Variants in PISD observed in about 807,000 individuals in gnomAD.
PISD encodes phosphatidylserine decarboxylase.
Under a neutral mutation model 43.5 loss-of-function variants are expected in PISD, and 31 were observed. The observed-to-expected ratio is 0.71, with a 90% CI of 0.54 to 0.96. PISD has a LOEUF of 0.96. PISD is among the 40% of genes least tolerant of loss of function. PISD has a pLI of 0.00. For synonymous variants in PISD, 259 were observed against 228.7 expected, an observed-to-expected ratio of 1.13 and a Z score of -1.20; for missense variants, 523 against 548.4, an observed-to-expected ratio of 0.95 and a Z score of 0.46.
At chr22:31,659,055 T>C (rs2074252692) in intron 1 of PISD, among the ~76,000 whole-genome samples, 1 of 152,098 alleles carries the variant, frequency 6.6e-6, no homozygotes, top group African/African-American at 2.4e-5. Context: ...GTTTTTGCCA[T>C]GTTGCCCAGG....
chr22:31,633,676 T>C (rs567305297), intron 3 of PISD, among the ~76,000 whole-genome samples: 29 of 152,036 alleles, frequency 1.9e-4, no homozygotes, highest in African/African-American at 6.3e-4. Flanking sequence ...GATCGTACCA[T>C]AGCACTCCAG....
intron 1 of PISD, among the ~76,000 whole-genome samples, chr22:31,660,313 C>A (rs1285107211): frequency 1.3e-5 from 2 of 152,160 alleles, no homozygotes; most frequent in Middle Eastern, 3.4e-3. Context: ...TTTTCTTTCC[C>A]TTTTAATGAT....
At chr22:31,642,524 G>A (rs140417354) in intron 3 of PISD, among the ~76,000 whole-genome samples, 1 of 151,222 alleles carries the variant, frequency 6.6e-6, no homozygotes, top group East Asian at 1.9e-4. Context: ...GACAGGTGTG[G>A]TAGCTCACAC....
At chr22:31,651,999 AT>A (rs554269131) in intron 1 of PISD, among the ~76,000 whole-genome samples, 1,792 of 152,168 alleles carry the variant, frequency 0.012, 36 homozygotes, top group African/African-American at 0.042. Context: ...GTCAATAAAC[AT>A]TTTTTTCCTT....
At chr22:31,652,205 C>T (rs536472350) in intron 1 of PISD, among the ~76,000 whole-genome samples, 2 of 152,180 alleles carry the variant, frequency 1.3e-5, no homozygotes, top group East Asian at 3.9e-4. Context: ...GATTTTGGCT[C>T]ACTGCAACCT....
intron 3 of PISD, among the ~76,000 whole-genome samples, chr22:31,646,989 T>C (rs945578907): frequency 6.6e-6 from 1 of 152,080 alleles, no homozygotes; most frequent in African/African-American, 2.4e-5. Context: ...GTAACTCCCA[T>C]AGCTGGATCT....
At chr22:31,631,740 C>T (rs1001488762) in intron 3 of PISD, among the ~76,000 whole-genome samples, 1 of 152,208 alleles carries the variant, frequency 6.6e-6, no homozygotes, top group African/African-American at 2.4e-5. Flanking sequence ...AGAGGGATCA[C>T]CATTCAACCA....
chr22:31,621,102 C>A lies in PISD; in HGVS notation c.738G>T (p.Arg246=). The A allele has an allele frequency of 6.2e-7, 1 of 1,614,180 alleles. No individual in the cohort carries two copies. The highest frequency in any genetic ancestry group is 8.5e-7 in the Non-Finnish European group (1 of 1,180,022). The change falls in exon 6 of 8, where the codon CGG becomes CGT. Residue 246 remains arginine, a synonymous_variant. Transcript: ENST00000439502. ...CDSFKNQLVT[R]EGNELYHCVI... ...CACAGTGATAGAGCTCATTCCCTTCCCGGGTGACCAGCTGGTTCTTGAAGG... is the reference window on the plus strand; with the variant it reads ...CACAGTGATAGAGCTCATTCCCTTCACGGGTGACCAGCTGGTTCTTGAAGG...
At chr22:31,637,151 AAAAAAAAAAAAAAATATAT>A (rs1329891305) in intron 3 of PISD, among the ~76,000 whole-genome samples, 157 of 21,424 alleles carry the variant, frequency 7.3e-3, no homozygotes, top group Middle Eastern at 0.022. Flanking sequence ...ATTAAAAAAA[AAAAAAAAAAAAAAATATAT>A]ATATATATAT....
intron 3 of PISD, chr22:31,625,684 G>A: frequency 1.2e-5 from 18 of 1,525,234 alleles, no homozygotes; most frequent in East Asian, 4.9e-5. Flanking sequence ...CTACTGCGAG[G>A]CCGCTGGATG....
At chr22:31,626,667 G>A (rs547770147) in intron 3 of PISD, among the ~76,000 whole-genome samples, 4 of 152,252 alleles carry the variant, frequency 2.6e-5, no homozygotes, top group East Asian at 1.9e-4. Flanking sequence ...TTTTTCCATC[G>A]TTGCTTCAGA....
chr22:31,652,677 C>T (rs1428417805), intron 1 of PISD, among the ~76,000 whole-genome samples: 1 of 146,928 alleles, frequency 6.8e-6, no homozygotes, highest in East Asian at 2.1e-4. Flanking sequence ...CGCGGTGGCA[C>T]ACATGCTGTA....
Position 31,648,096 on chromosome 22 carries a change from C to A in PISD, c.321+5G>T. ...GAACCCAAGGCAGTTCCACCTCATTCCTACCTCCCAGTGACCAGCAAGTTT... is the reference window on the plus strand; with the variant it reads ...GAACCCAAGGCAGTTCCACCTCATTACTACCTCCCAGTGACCAGCAAGTTT... On this transcript the variant is annotated splice_donor_5th_base_variant and intron_variant, in intron 3 of 7. Transcript: ENST00000439502. The A allele has an allele frequency of 1.2e-6, 2 of 1,609,138 alleles. No homozygotes were observed. Among genetic ancestry groups the A allele is most frequent in the Non-Finnish European group, 1.7e-6 (2 of 1,178,676 alleles).
At chr22:31,658,693 A>C (rs528843621) in intron 1 of PISD, among the ~76,000 whole-genome samples, 15 of 150,854 alleles carry the variant, frequency 9.9e-5, no homozygotes, top group Non-Finnish European at 1.5e-4. Flanking sequence ...GGGACCACAG[A>C]TGTGCACCCA....
chr22:31,662,326 GACTAA>G, upstream of PISD: 5 of 1,029,526 alleles, frequency 4.9e-6, no homozygotes, highest in African/African-American at 1.6e-5. Flanking sequence ...GGGCGGAGCC[GACTAA>G]GCTCCGCCCT....
chr22:31,623,576 G>A (rs1264888470), intron 3 of PISD: 19 of 1,105,238 alleles, frequency 1.7e-5, no homozygotes, highest in East Asian at 2.6e-5. Flanking sequence ...AAGATGTAGC[G>A]GTGACCTCTG....
intron 1 of PISD, among the ~76,000 whole-genome samples, chr22:31,659,217 G>T (rs2074256497): frequency 1.3e-5 from 2 of 152,096 alleles, no homozygotes; most frequent in Admixed American, 1.3e-4. Flanking sequence ...TGTCTCCCTT[G>T]CTTTCTAAAG....
intron 3 of PISD, among the ~76,000 whole-genome samples, chr22:31,639,379 G>A (rs940531287): frequency 1.3e-5 from 2 of 151,944 alleles, no homozygotes; most frequent in Non-Finnish European, 2.9e-5. Context: ...TCACCATGTT[G>A]GCCAGGCTGG....
At chr22:31,644,914 C>T (rs1000989189) in intron 3 of PISD, among the ~76,000 whole-genome samples, 7 of 151,966 alleles carry the variant, frequency 4.6e-5, no homozygotes, top group African/African-American at 1.7e-4. Context: ...CATGAGGTCA[C>T]AAGTTCAAGA....
Sources: gnomAD v4.1 joint callset for allele counts (sites outside exome capture counted in the v4.1 genomes callset) on GRCh38, gnomAD v4.1.1 for gene constraint, MANE v1.5 for transcripts, NCBI Gene and HGNC (gene_info 2026-07-23, HGNC 2026-07-21) for gene names.